Variants in ATP13A4 observed in about 807,000 individuals in gnomAD.
The protein encoded by ATP13A4 is ATPase 13A4.
ATP13A4 carries 114 observed loss-of-function variants against 142.5 expected under a neutral mutation model. The ratio of observed to expected loss-of-function variants is 0.80; its 90% CI spans 0.69 to 0.93. The LOEUF is 0.93. Ranked by LOEUF, ATP13A4 falls within the 40% of genes least tolerant of loss-of-function variation. The pLI is 0.00. For missense variants in ATP13A4, 1,392 were observed against 1,454.0 expected (o/e 0.96, Z 0.69); for synonymous variants, 488 against 514.8 (o/e 0.95, Z 0.70).
At chr3:193,448,351 G>A in intron 17 of ATP13A4, 21 bp from the exon 18 acceptor site, 1 of 1,612,692 alleles carries the variant, frequency 6.2e-7, no homozygotes, top group Non-Finnish European at 8.5e-7. Context: ...ATATATAGAT[G>A]TATTGAACAG....
At chr3:193,435,609 T>C in intron 24 of ATP13A4, 39 bp downstream of exon 24, 2 of 1,506,576 alleles carry the variant, frequency 1.3e-6, no homozygotes, top group South Asian at 1.1e-5. Context: ...CTACTTGTTT[T>C]AGTTCACACT....
At chr3:193,575,901 T>A (rs193181362) in intron 2 of ATP13A4, among the ~76,000 whole-genome samples, 1 of 152,298 alleles carries the variant, frequency 6.6e-6, no homozygotes, top group East Asian at 1.9e-4. Flanking sequence ...CAACCAGAAG[T>A]GATTTTGTCC....
At chr3:193,506,449 A>G (rs1720864578) in intron 2 of ATP13A4, among the ~76,000 whole-genome samples, 1 of 152,222 alleles carries the variant, frequency 6.6e-6, no homozygotes, top group African/African-American at 2.4e-5. Flanking sequence ...AGTCGAATGT[A>G]TACAAAGGAC....
chr3:193,574,545 C>T (rs1478843222), intron 2 of ATP13A4, among the ~76,000 whole-genome samples: 1 of 149,714 alleles, frequency 6.7e-6, no homozygotes, highest in African/African-American at 2.5e-5. Flanking sequence ...ATGGTGAAAC[C>T]CTGTCTGTAA....
intron 1 of ATP13A4, among the ~76,000 whole-genome samples, chr3:193,537,968 AG>A (rs1722674576): frequency 6.6e-6 from 1 of 152,184 alleles, no homozygotes; most frequent in African/African-American, 2.4e-5. Context: ...TGGGAAGGAA[AG>A]AGATGTAGCT....
intron 1 of ATP13A4, among the ~76,000 whole-genome samples, chr3:193,530,374 C>G (rs980749767): frequency 2.0e-5 from 3 of 152,166 alleles, no homozygotes; most frequent in African/African-American, 7.2e-5. Context: ...CAAAACCAAA[C>G]TCATTATCTG....
At chr3:193,495,806 A>T (rs1225232290) in intron 3 of ATP13A4, among the ~76,000 whole-genome samples, 1 of 152,146 alleles carries the variant, frequency 6.6e-6, no homozygotes, top group African/African-American at 2.4e-5. Context: ...TGCAGATTAC[A>T]TGATATCATA....
intron 1 of ATP13A4, among the ~76,000 whole-genome samples, chr3:193,551,242 T>C (rs1723544501): frequency 2.6e-5 from 4 of 152,090 alleles, no homozygotes; most frequent in Admixed American, 2.6e-4. Context: ...TGAAACACCA[T>C]CTCTTCTAAA....
chr3:193,585,526 T>A (rs1396879820), intron 1 of ATP13A4, among the ~76,000 whole-genome samples: 1 of 152,160 alleles, frequency 6.6e-6, no homozygotes, highest in Non-Finnish European at 1.5e-5. Context: ...ATTGTTAGTT[T>A]ATTTTATGTG....
chr3:193,434,341 AACTC>A (rs1716139254), intron 24 of ATP13A4, among the ~76,000 whole-genome samples: 1 of 152,198 alleles, frequency 6.6e-6, no homozygotes, highest in Admixed American at 6.5e-5. Flanking sequence ...AGAATAAGTA[AACTC>A]ACTATTTGCA....
upstream of ATP13A4, among the ~76,000 whole-genome samples, chr3:193,558,119 A>G (rs923066519): frequency 6.6e-6 from 1 of 152,216 alleles, no homozygotes; most frequent in Admixed American, 6.5e-5. Flanking sequence ...ACTGTTCCTG[A>G]TCAGCCTGTG....
chr3:193,487,425 T>C (rs1719693609), intron 7 of ATP13A4, among the ~76,000 whole-genome samples: 1 of 152,186 alleles, frequency 6.6e-6, no homozygotes. Flanking sequence ...TTCACTTATA[T>C]TGGCAAAGAT....
intron 1 of ATP13A4, among the ~76,000 whole-genome samples, chr3:193,532,054 A>C (rs1041846862): frequency 1.3e-5 from 2 of 152,062 alleles, no homozygotes; most frequent in African/African-American, 4.8e-5. Flanking sequence ...TGAGAATCAC[A>C]TGGGCACTTT....
chr3:193,438,950 C>T (rs1716461973), intron 22 of ATP13A4, 73 bp downstream of exon 22: 1 of 1,447,744 alleles, frequency 6.9e-7, no homozygotes, highest in African/African-American at 1.4e-5. Context: ...ACTACACACA[C>T]TGGCAGCTAC....
chr3:193,468,931 C>T (rs888137792), intron 9 of ATP13A4, among the ~76,000 whole-genome samples: 2 of 152,190 alleles, frequency 1.3e-5, no homozygotes, highest in Non-Finnish European at 2.9e-5. Context: ...CTTTTGGCCA[C>T]TGTAAGTTGA....
chr3:193,406,403 A>G (rs950462073), intron 29 of ATP13A4, among the ~76,000 whole-genome samples: 2 of 152,192 alleles, frequency 1.3e-5, no homozygotes, highest in African/African-American at 4.8e-5. Context: ...GAATAATTCT[A>G]GTTCTGTATC....
chr3:193,524,565 G>C (rs1230169993), intron 1 of ATP13A4, among the ~76,000 whole-genome samples: 2 of 152,208 alleles, frequency 1.3e-5, no homozygotes, highest in Non-Finnish European at 2.9e-5. Flanking sequence ...TGTCTAGGCA[G>C]CCTATTTACT....
At chr3:193,425,289 G>GAA (rs1715600180) in intron 25 of ATP13A4, among the ~76,000 whole-genome samples, 1 of 151,686 alleles carries the variant, frequency 6.6e-6, no homozygotes, top group African/African-American at 2.4e-5. Flanking sequence ...AGCCATTAAA[G>GAA]AAAATAGCAT....
intron 3 of ATP13A4, among the ~76,000 whole-genome samples, chr3:193,498,916 A>T (rs183492557): frequency 1.3e-5 from 2 of 152,374 alleles, no homozygotes; most frequent in African/African-American, 4.8e-5. Context: ...TATAGCTGGC[A>T]CAAAATAAGT....
Sources: allele counts gnomAD v4.1 joint callset (sites outside exome capture counted in the v4.1 genomes callset), GRCh38; gene constraint gnomAD v4.1.1; transcripts MANE v1.5; gene names NCBI Gene and HGNC (gene_info 2026-07-23, HGNC 2026-07-21).